IGSF11: variants seen among roughly 807,000 people sequenced by gnomAD.
IGSF11 encodes CXADR like 1.
Under a neutral mutation model 41.0 loss-of-function variants are expected in IGSF11, and 22 were observed. That is an observed-to-expected ratio of 0.54 (90% CI 0.38 to 0.77). The LOEUF (loss-of-function observed/expected upper bound fraction) is 0.77. Among genes scored for constraint, IGSF11 ranks in the 30% least tolerant of loss-of-function variants. The pLI, the probability that IGSF11 is intolerant of heterozygous loss-of-function variation, is 0.00. For missense variants in IGSF11, 444 were observed against 530.8 expected, an observed-to-expected ratio of 0.84 and a Z score of 1.61; for synonymous variants, 219 against 201.3, an observed-to-expected ratio of 1.09 and a Z score of -0.74.
At chr3:119,110,133 C>A (rs1350871383), upstream of IGSF11, among the ~76,000 whole-genome samples, 1 of 152,060 alleles carries the variant, frequency 6.6e-6, no homozygotes, top group Non-Finnish European at 1.5e-5. Context: ...GAGTTCAATT[C>A]CTGGGTATCC....
chr3:119,001,920 C>T (rs1453577526), intron 1 of IGSF11, among the ~76,000 whole-genome samples: 1,458 of 134,602 alleles, frequency 0.011, 33 homozygotes, highest in East Asian at 0.061. Flanking sequence ...TGAATAATGC[C>T]GCAATAAACA....
chr3:118,996,681 C>A (rs544719340), intron 1 of IGSF11, among the ~76,000 whole-genome samples: 95 of 151,992 alleles, frequency 6.3e-4, no homozygotes, highest in African/African-American at 2.2e-3. Flanking sequence ...CTCACTGCAA[C>A]CTCTGCCTCC....
intron 4 of IGSF11, among the ~76,000 whole-genome samples, chr3:118,907,780 A>G (rs1299213016): frequency 1.3e-5 from 2 of 152,178 alleles, no homozygotes; most frequent in Non-Finnish European, 2.9e-5. Context: ...AATCTATAAA[A>G]TGAGGTTTGT....
chr3:119,064,641 A>G (rs1266845656), intron 1 of IGSF11, among the ~76,000 whole-genome samples: 1 of 150,748 alleles, frequency 6.6e-6, no homozygotes, highest in Non-Finnish European at 1.5e-5. Context: ...ATATCTTTAT[A>G]ATATTAGGGC....
chr3:118,926,030 G>A, intron 4 of IGSF11, 71 bp downstream of exon 4: 2 of 1,169,614 alleles, frequency 1.7e-6, no homozygotes, highest in South Asian at 2.5e-5. Context: ...ACCTATTAAA[G>A]TTAATTACTT....
chr3:119,001,433 C>T (rs534173712), intron 1 of IGSF11, among the ~76,000 whole-genome samples: 53 of 148,026 alleles, frequency 3.6e-4, no homozygotes, highest in African/African-American at 1.1e-3. Context: ...TTGTTTTTTG[C>T]TTTAGTTTTT....
chr3:118,913,838 A>G (rs763948955), intron 4 of IGSF11, among the ~76,000 whole-genome samples: 4 of 152,230 alleles, frequency 2.6e-5, no homozygotes, highest in Non-Finnish European at 4.4e-5. Context: ...GAACAAATAT[A>G]CTAAAGCCAA....
At chr3:119,094,661 G>A (rs548934057) in intron 1 of IGSF11, among the ~76,000 whole-genome samples, 2 of 146,018 alleles carry the variant, frequency 1.4e-5, no homozygotes, top group Admixed American at 1.4e-4. Context: ...AAATCCCAGA[G>A]AGCAACTCTA....
chr3:118,910,744 A>G (rs1293246077), intron 4 of IGSF11, among the ~76,000 whole-genome samples: 2 of 152,096 alleles, frequency 1.3e-5, no homozygotes, highest in Admixed American at 6.6e-5. Flanking sequence ...AGCTTCACAG[A>G]TCTTCTCACT....
intron 1 of IGSF11, among the ~76,000 whole-genome samples, chr3:119,032,063 A>C (rs977973289): frequency 1.3e-5 from 2 of 152,236 alleles, no homozygotes; most frequent in Non-Finnish European, 2.9e-5. Context: ...AAATAAAAAC[A>C]AAATAACAAT....
At chr3:119,101,406 G>A (rs921572966) in intron 1 of IGSF11, among the ~76,000 whole-genome samples, 1 of 152,116 alleles carries the variant, frequency 6.6e-6, no homozygotes, top group Non-Finnish European at 1.5e-5. Flanking sequence ...ATACTAGGGA[G>A]GCTGAGGCAG....
Position 118,905,642 on chromosome 3 carries a change from A to G in IGSF11, c.657T>C (p.Asn219=), listed in dbSNP as rs1409429710. 4 of 1,613,954 alleles carry G rather than the reference A, an allele frequency of 2.5e-6. No individual in the cohort carries two copies. The highest frequency in any genetic ancestry group is 1.7e-5 in the Admixed American group (1 of 60,004). Residue 219 remains asparagine, a synonymous_variant, in exon 5 of 7, where the codon AAT becomes AAC. Coordinates refer to ENST00000393775, the MANE Select transcript of IGSF11 (RefSeq NM_001015887.3). ...SSGLYQCVAS[N]AIGTSTCLLD... is the part of the protein sequence containing the mutation. ...GAAGACAGGTGCTGGTTCCAATAGC[A>G]TTAGAAGCCACGCACTGGTACAAAC...
At chr3:118,957,815 G>A (rs952133915) in intron 1 of IGSF11, among the ~76,000 whole-genome samples, 1 of 152,160 alleles carries the variant, frequency 6.6e-6, no homozygotes, top group Non-Finnish European at 1.5e-5. Context: ...CTAAACAAAG[G>A]AACGCCTGGT....
chr3:119,087,968 A>G (rs1200264257), intron 1 of IGSF11, among the ~76,000 whole-genome samples: 1 of 152,148 alleles, frequency 6.6e-6, no homozygotes, highest in Non-Finnish European at 1.5e-5. Flanking sequence ...GCAACTATAC[A>G]ATAATCGTGG....
intron 1 of IGSF11, among the ~76,000 whole-genome samples, chr3:119,050,791 A>G (rs1396889241): frequency 6.6e-6 from 1 of 151,874 alleles, no homozygotes; most frequent in Admixed American, 6.6e-5. Flanking sequence ...TGTGGCACAT[A>G]TACACCATGG....
At chr3:118,911,050 G>A (rs942330745) in intron 4 of IGSF11, among the ~76,000 whole-genome samples, 1 of 151,964 alleles carries the variant, frequency 6.6e-6, no homozygotes, top group Non-Finnish European at 1.5e-5. Context: ...ATGTTTCCTT[G>A]TATTTCTCCA....
chr3:119,132,329 T>C (rs894609514), intron 1 of IGSF11, among the ~76,000 whole-genome samples: 4 of 114,920 alleles, frequency 3.5e-5, no homozygotes, highest in Admixed American at 2.5e-4. Flanking sequence ...GAGACACATA[T>C]AGGCTCAAAA....
chr3:119,050,100 A>T (rs1941552751), intron 1 of IGSF11, among the ~76,000 whole-genome samples: 1 of 150,036 alleles, frequency 6.7e-6, no homozygotes, highest in Non-Finnish European at 1.5e-5. Flanking sequence ...CAAGGACTTC[A>T]TGTCTAAAAC....
intron 1 of IGSF11, among the ~76,000 whole-genome samples, chr3:119,141,042 T>A (rs1227138251): frequency 3.9e-4 from 39 of 99,770 alleles, no homozygotes; most frequent in Non-Finnish European, 5.1e-4. Context: ...TCTGTCTCAT[T>A]AAAAAAAAAA....
Sources: gnomAD v4.1 joint callset for allele counts (sites outside exome capture counted in the v4.1 genomes callset) on GRCh38, gnomAD v4.1.1 for gene constraint, MANE v1.5 for transcripts, NCBI Gene and HGNC (gene_info 2026-07-23, HGNC 2026-07-21) for gene names.